The following MKKS variants were observed in gnomAD, a reference collection of about 807,000 sequenced individuals.
MKKS encodes the protein molecular chaperone MKKS.
A neutral mutation model predicts 33.2 loss-of-function variants in MKKS; 29 were observed. The ratio of observed to expected loss-of-function variants is 0.87; its 90% CI spans 0.65 to 1.19. The LOEUF is 1.19. Among genes scored for constraint, MKKS ranks in the 50% most tolerant of loss-of-function variants. MKKS has a pLI of 0.00. For synonymous variants in MKKS, 260 were observed against 244.0 expected (o/e 1.07, Z -0.61); for missense variants, 661 against 662.3 (o/e 1.00, Z 0.02).
At chr20:10,409,398 TAAGTA>T (rs1466473293) in intron 3 of MKKS, among the ~76,000 whole-genome samples, 2 of 151,146 alleles carry the variant, frequency 1.3e-5, no homozygotes, top group South Asian at 2.1e-4. Flanking sequence ...TTTGATATAT[TAAGTA>T]TTTTGTCCTC....
chr20:10,430,033 A>G (rs2036500949), intron 1 of MKKS, among the ~76,000 whole-genome samples: 1 of 113,388 alleles, frequency 8.8e-6, no homozygotes, highest in African/African-American at 2.8e-5. Context: ...TTGCAAAACA[A>G]AAAACAAAAA....
intron 1 of MKKS, among the ~76,000 whole-genome samples, chr20:10,429,234 A>G (rs1248011418): frequency 6.6e-6 from 1 of 152,140 alleles, no homozygotes; most frequent in Non-Finnish European, 1.5e-5. Flanking sequence ...TTCCCCTTAC[A>G]TAATCTCCCT....
rs1568667187 is a variant in MKKS, at chr20:10,413,810, T to C, written c.-296A>G. 1 of 526,644 alleles carries C rather than the reference T, an allele frequency of 1.9e-6. No individual in the cohort carries two copies. Among genetic ancestry groups the C allele is most frequent in the Non-Finnish European group, 3.3e-6 (1 of 299,354 alleles). 32.6% of individuals were successfully genotyped at this position (526,644 alleles called of 1,614,324 possible). On this transcript the variant is annotated 5_prime_UTR_variant, in exon 3 of 6. Coordinates refer to ENST00000347364, the MANE Select transcript of MKKS (RefSeq NM_170784.3). ...GCTTTGCAGACCTCTGCAAAAAGTATGTTCCAAGATGGACACCTATGAAAG... is the reference window on the plus strand; with the variant it reads ...GCTTTGCAGACCTCTGCAAAAAGTACGTTCCAAGATGGACACCTATGAAAG...
At position 10,407,731 on chromosome 20, in the gene MKKS, G is replaced by A; in HGVS notation, c.1162-5C>T. The A allele has an allele frequency of 6.2e-7, 1 of 1,608,440 alleles. No homozygotes were observed. Among genetic ancestry groups the A allele is most frequent in the East Asian group, 2.2e-5 (1 of 44,830 alleles). ...CAGTGCCGTCTGACACGTGAGCTAA[G>A]AAAAAACCCAAATCATCAGAATCAG... On this transcript the variant is annotated splice_region_variant and splice_polypyrimidine_tract_variant and intron_variant, in intron 4 of 5. Transcript: ENST00000347364.
At chr20:10,414,289 G>A (rs2064920889) in intron 2 of MKKS, among the ~76,000 whole-genome samples, 1 of 145,078 alleles carries the variant, frequency 6.9e-6, no homozygotes, top group Admixed American at 6.8e-5. Context: ...TTTTGAGATG[G>A]AGTTTCGCTC....
chr20:10,423,651 T>C (rs547348752), intron 1 of MKKS, among the ~76,000 whole-genome samples: 1 of 152,350 alleles, frequency 6.6e-6, no homozygotes, highest in East Asian at 1.9e-4. Flanking sequence ...GTTAGCTCCC[T>C]ATAATACTTA....
At chr20:10,408,048 T>TA (rs1475188939) in intron 4 of MKKS, among the ~76,000 whole-genome samples, 9 of 152,096 alleles carry the variant, frequency 5.9e-5, no homozygotes, top group East Asian at 3.8e-4. Flanking sequence ...ACACTTCCAC[T>TA]AAAAAAATCA....
At chr20:10,426,513 C>T (rs567057164) in intron 1 of MKKS, among the ~76,000 whole-genome samples, 1 of 152,316 alleles carries the variant, frequency 6.6e-6, no homozygotes, top group Non-Finnish European at 1.5e-5. Flanking sequence ...GATTCTCGTA[C>T]CTCAGCCTCC....
At chr20:10,428,269 TGGA>T (rs1453252680) in intron 1 of MKKS, among the ~76,000 whole-genome samples, 2 of 152,202 alleles carry the variant, frequency 1.3e-5, no homozygotes, top group African/African-American at 4.8e-5. Flanking sequence ...TGGTGATTGG[TGGA>T]GGAGAGGGGA....
chr20:10,431,527 AAAACCAAACC>A (rs60563851), intron 1 of MKKS, among the ~76,000 whole-genome samples: 42,016 of 150,676 alleles, frequency 0.28, 6,325 homozygotes, highest in African/African-American at 0.4. Flanking sequence ...ATAGGGTCAA[AAAACCAAACC>A]AAACCAAACC....
intron 1 of MKKS, among the ~76,000 whole-genome samples, chr20:10,430,506 A>C (rs1378404080): frequency 2.6e-5 from 4 of 152,264 alleles, no homozygotes; most frequent in African/African-American, 7.2e-5. Context: ...AACCTGTAGT[A>C]TAGCAAGAAC....
chr20:10,427,533 T>A (rs2065024365), intron 1 of MKKS, among the ~76,000 whole-genome samples: 1 of 152,242 alleles, frequency 6.6e-6, no homozygotes, highest in South Asian at 2.1e-4. Flanking sequence ...TAGGTATTTG[T>A]GAATTCTTCA....
chr20:10,409,439 G>GT (rs2064864967), intron 3 of MKKS, among the ~76,000 whole-genome samples: 1 of 152,122 alleles, frequency 6.6e-6, no homozygotes, highest in South Asian at 2.1e-4. Flanking sequence ...AAATAGTGAA[G>GT]TTTTATAAAC....
chr20:10,431,779 T>C (rs1017121214), intron 1 of MKKS: 10 of 152,240 alleles, frequency 6.6e-5, no homozygotes, highest in South Asian at 4.1e-4. Flanking sequence ...TTCTCTGCTA[T>C]ATTCCTAGTG....
At position 10,413,650 on chromosome 20, in the gene MKKS, A is replaced by G. The variant is rs1243786048; in HGVS notation, c.-136T>C. The G allele has an allele frequency of 1.1e-5, 11 of 981,952 alleles. No individual in the cohort carries two copies. Among genetic ancestry groups the G allele is most frequent in the Non-Finnish European group, 1.7e-5 (11 of 654,762 alleles). 60.8% of individuals were successfully genotyped at this position (981,952 alleles called of 1,614,324 possible). ...TATGAATATGCAGCATTGTGGCTATAAAATCAAAAAGTTCAATGTTTATGA... is the reference window on the plus strand; with the variant it reads ...TATGAATATGCAGCATTGTGGCTATGAAATCAAAAAGTTCAATGTTTATGA... On this transcript the variant is annotated 5_prime_UTR_variant, in exon 3 of 6. Transcript: ENST00000347364.
Position 10,403,035 on chromosome 20 carries a change from T to G in MKKS, c.*2212A>C, listed in dbSNP as rs954120700. The G allele has an allele frequency of 1.3e-5, 2 of 152,222 alleles. No homozygotes were observed. Among genetic ancestry groups the G allele is most frequent in the African/African-American group, 4.8e-5 (2 of 41,454 alleles). The allele number at this position is 152,222 out of a possible 1,614,324, so 9.4% of individuals were successfully genotyped here. A position where few individuals can be genotyped will look rare whatever the true frequency, so the allele number is the denominator to read the frequency against. The stretch of plus-strand genomic sequence containing the variant: ...TCTCGTGTGGCTCCAGTGGTAGGGC[T>G]ATACTCAACTCAAGGTTCCACTGGG... On this transcript the variant is annotated 3_prime_UTR_variant, in exon 6 of 6. Coordinates refer to ENST00000347364, the MANE Select transcript of MKKS (RefSeq NM_170784.3).
chr20:10,432,789 CAAAAAAAAAA>C (rs71184200), intron 1 of MKKS, among the ~76,000 whole-genome samples: 4 of 74,590 alleles, frequency 5.4e-5, no homozygotes, highest in African/African-American at 1.9e-4. Flanking sequence ...GACTCTTTGT[CAAAAAAAAAA>C]AAAAAAAAAA....
In MKKS at chr20:10,404,383, A is replaced by C. The variant is rs975130221; in HGVS notation, c.*864T>G. The C allele has an allele frequency of 2.0e-5, 3 of 150,926 alleles. No individual in the cohort carries two copies. The highest frequency in any genetic ancestry group is 7.3e-5 in the African/African-American group (3 of 40,942). The allele number at this position is 150,926 out of a possible 1,614,324, so 9.3% of individuals were successfully genotyped here. Reference sequence around the variant, plus strand: ...GGGGGACATTTGGCAATGTCTGGAAACATTTTTGGTTGTCACAACAGGAGG... The same window carrying C: ...GGGGGACATTTGGCAATGTCTGGAACCATTTTTGGTTGTCACAACAGGAGG... On this transcript the variant is annotated 3_prime_UTR_variant, in exon 6 of 6. Transcript: ENST00000347364.
intron 1 of MKKS, among the ~76,000 whole-genome samples, chr20:10,429,768 T>C (rs2065041445): frequency 6.6e-6 from 1 of 152,140 alleles, no homozygotes; most frequent in Non-Finnish European, 1.5e-5. Flanking sequence ...CGCCCTCACA[T>C]GACCTCCTTG....
Sources: allele counts gnomAD v4.1 joint callset (sites outside exome capture counted in the v4.1 genomes callset), GRCh38; gene constraint gnomAD v4.1.1; transcripts MANE v1.5; gene names NCBI Gene and HGNC (gene_info 2026-07-23, HGNC 2026-07-21).